ZNF529: variants seen among roughly 807,000 people sequenced by gnomAD.
ZNF529 encodes zinc finger protein 529.
A neutral mutation model predicts 10.1 loss-of-function variants in ZNF529; 11 were observed. That is an observed-to-expected ratio of 1.09 (90% CI 0.69 to 1.81). The LOEUF (loss-of-function observed/expected upper bound fraction) is 1.81. Ranked by LOEUF, ZNF529 falls within the 40% of genes most tolerant of loss-of-function variation. The probability of loss-of-function intolerance (pLI) is 0.00; values close to 1 mark genes in which losing one functional copy is unlikely to be tolerated. For synonymous variants in ZNF529, 204 were observed against 215.7 expected, an observed-to-expected ratio of 0.95 and a Z score of 0.47; for missense variants, 624 against 666.8, an observed-to-expected ratio of 0.94 and a Z score of 0.71.
chr19:36,578,277 G>A (rs866842929), upstream of ZNF529, among the ~76,000 whole-genome samples: 22 of 130,748 alleles, frequency 1.7e-4, no homozygotes, highest in South Asian at 1.1e-3. Context: ...TGTTGGACAG[G>A]ATGGTCTTGA....
intron 2 of ZNF529, among the ~76,000 whole-genome samples, chr19:36,564,576 T>C (rs1022913837): frequency 6.6e-6 from 1 of 152,190 alleles, no homozygotes; most frequent in Non-Finnish European, 1.5e-5. Flanking sequence ...AGAACAATTA[T>C]TGTTAAATAG....
Position 36,572,338 on chromosome 19 carries a change from G to C in ZNF529, c.9C>G (p.Asn3Lys). Reference protein sequence around the residue: MANSSFIGDHVHG... With the variant: MAKSSFIGDHVHG... Reference sequence around the variant, plus strand: ...GAACAAAAAAAAAAACTAACCTTGAGTTGGCCATTAGTACCAATGCTGTCT... The same window carrying C: ...GAACAAAAAAAAAAACTAACCTTGACTTGGCCATTAGTACCAATGCTGTCT... The change falls in exon 2 of 5, where the codon AAC becomes AAG. Residue 3 changes from asparagine (N) to lysine (K), a missense_variant. Physicochemically the swap from Asn to Lys is moderately conservative, Grantham distance 94 (BLOSUM62 0). Coordinates refer to ENST00000591340, the MANE Select transcript of ZNF529 (RefSeq NM_020951.5). 1.3e-6 allele frequency: 2 copies of C among 1,550,360 alleles called. No individual in the cohort carries two copies. Among genetic ancestry groups the C allele is most frequent in the Middle Eastern group, 3.3e-4 (2 of 5,988 alleles).
At chr19:36,593,893 T>C (rs1296893043) in intron 1 of ZNF529, 2 of 152,112 alleles carry the variant, frequency 1.3e-5, no homozygotes, top group Non-Finnish European at 2.9e-5. Flanking sequence ...AAACTGCCCA[T>C]GAGATGAGAT....
chr19:36,572,926 AAAAAAAAC>A (rs1315000089), intron 1 of ZNF529: 1 of 153,536 alleles, frequency 6.5e-6, no homozygotes, highest in East Asian at 1.9e-4. Flanking sequence ...CAAACAAACA[AAAAAAAAC>A]AAAAAAACAC....
chr19:36,572,435 T>C, intron 1 of ZNF529, 43 bp from the exon 2 acceptor site: 1 of 1,462,496 alleles, frequency 6.8e-7, no homozygotes, highest in African/African-American at 1.4e-5. Flanking sequence ...CATCCTGGAC[T>C]GGTTAAATAA....
chr19:36,579,469 T>C lies in ZNF529; in HGVS notation c.-41+10146A>G, dbSNP rs2036415912. 3.9e-5 allele frequency among the ~76,000 whole-genome samples: 6 copies of C among 152,366 alleles called. No individual in the cohort carries two copies. In the South Asian group the frequency reaches 1.2e-3, roughly 32 times the overall value. ...AGGTGATTGCATCATGCAAGCATCA[T>C]AGAGCACACTAACACAAACAGCAAT... On this transcript the variant is annotated intron_variant, in intron 2 of 4. Transcript: ENST00000585960.
At chr19:36,582,801 G>C (rs2036498941) in intron 2 of ZNF529, 1 of 151,394 alleles carries the variant, frequency 6.6e-6, no homozygotes, top group South Asian at 2.1e-4. Flanking sequence ...AAGTTTATGT[G>C]AAGGTATTTT....
chr19:36,568,214 C>A (rs1404355789), intron 2 of ZNF529, among the ~76,000 whole-genome samples: 1 of 152,164 alleles, frequency 6.6e-6, no homozygotes, highest in African/African-American at 2.4e-5. Flanking sequence ...TTGTAAGGGT[C>A]TGGAAATCAC....
chr19:36,600,596 AG>A (rs2036908264), intron 1 of ZNF529, among the ~76,000 whole-genome samples: 2 of 152,184 alleles, frequency 1.3e-5, no homozygotes, highest in African/African-American at 4.8e-5. Context: ...CTCTTCCTAA[AG>A]TTCATTTCCA....
chr19:36,575,819 G>A (rs2036301680), upstream of ZNF529, among the ~76,000 whole-genome samples: 1 of 151,910 alleles, frequency 6.6e-6, no homozygotes, highest in African/African-American at 2.4e-5. Flanking sequence ...GAAACTCTAA[G>A]AGGTTTCACA....
chr19:36,603,316 T>C (rs1340875233), intron 1 of ZNF529, among the ~76,000 whole-genome samples: 2 of 152,176 alleles, frequency 1.3e-5, no homozygotes, highest in African/African-American at 4.8e-5. Context: ...CAAGGTGTTA[T>C]ATGAAAATTA....
At chr19:36,589,997 A>G (rs937302423) in intron 1 of ZNF529, among the ~76,000 whole-genome samples, 1 of 152,200 alleles carries the variant, frequency 6.6e-6, no homozygotes, top group Non-Finnish European at 1.5e-5. Flanking sequence ...ACACTTCTAT[A>G]TAATCCATAG....
rs191800145 is a variant in ZNF529, at chr19:36,573,114, A to G, written c.-47+26T>C. 425 of 246,430 alleles carry G rather than the reference A, an allele frequency of 1.7e-3. 1 individual carries two copies. The highest frequency in any genetic ancestry group is 2.9e-3 in the Non-Finnish European group (339 of 117,366). The allele number at this position is 246,430 out of a possible 1,614,324, so 15.3% of individuals were successfully genotyped here. A position where few individuals can be genotyped will look rare whatever the true frequency, so the allele number is the denominator to read the frequency against. ...CCGTCTCTCACACACACACACCACA[A>G]TGACGTCGTAAACAATAGCACTAAC... On this transcript the variant is annotated intron_variant, in intron 1 of 4. Transcript: ENST00000591340.
At chr19:36,555,609 T>C (rs1054457696) in intron 3 of ZNF529, among the ~76,000 whole-genome samples, 1 of 152,168 alleles carries the variant, frequency 6.6e-6, no homozygotes, top group Non-Finnish European at 1.5e-5. Context: ...ATAAAGTTTT[T>C]AGTAAGTGTT....
At chr19:36,583,200 G>A (rs999546052) in intron 2 of ZNF529, among the ~76,000 whole-genome samples, 8 of 151,946 alleles carry the variant, frequency 5.3e-5, no homozygotes, top group Non-Finnish European at 1.2e-4. Context: ...TGGGAGTACA[G>A]GTGGGCACCA....
At chr19:36,591,154 T>C (rs3096626) in intron 1 of ZNF529, among the ~76,000 whole-genome samples, 53,866 of 147,812 alleles carry the variant, frequency 0.36, 10,371 homozygotes, top group African/African-American at 0.52. Flanking sequence ...CAAAAATTAG[T>C]TGGGCATGGT....
rs2036150360 is a variant in ZNF529, at chr19:36,572,315, A to AT, written c.14+17_14+18insA. 6.6e-7 allele frequency: 1 copy of AT among 1,506,474 alleles called. No individual in the cohort carries two copies. The highest frequency in any genetic ancestry group is 8.9e-7 in the Non-Finnish European group (1 of 1,119,960). The allele number at this position is 1,506,474 out of a possible 1,614,324, so 93.3% of individuals were successfully genotyped here. ...GAAAACCAAGGGACCAGGTAAATGA[A>AT]CAAAAAAAAAAACTAACCTTGAGTT... On this transcript the variant is annotated intron_variant, in intron 2 of 4. Transcript: ENST00000591340.
rs150763520 is a variant in ZNF529, at chr19:36,578,541, G to A, written c.-41+11074C>T. Reference sequence around the variant, plus strand: ...AGGATGGTCTCGATCTCCTGACCTTGTGATCCCCCCGCCTCAGCCTCCAAA... The same window carrying A: ...AGGATGGTCTCGATCTCCTGACCTTATGATCCCCCCGCCTCAGCCTCCAAA... On this transcript the variant is annotated intron_variant, in intron 2 of 4. Transcript: ENST00000585960. Among the ~76,000 whole-genome samples the A allele has an allele frequency of 9.6e-3, 1,458 of 151,340 alleles. 29 individuals are homozygous for A. The highest frequency in any genetic ancestry group is 0.033 in the African/African-American group (1,378 of 41,252).
intron 4 of ZNF529, among the ~76,000 whole-genome samples, chr19:36,551,347 A>G (rs2035250032): frequency 6.6e-6 from 1 of 152,212 alleles, no homozygotes. Context: ...ATAAATTCAA[A>G]GGTTAAAGGA....
Sources: gnomAD v4.1 joint callset for allele counts (sites outside exome capture counted in the v4.1 genomes callset) on GRCh38, gnomAD v4.1.1 for gene constraint, MANE v1.5 for transcripts, NCBI Gene and HGNC (gene_info 2026-07-23, HGNC 2026-07-21) for gene names.